Variants in CAMKMT observed in about 807,000 individuals in gnomAD.
The protein encoded by CAMKMT is CaM KMT.
Under a neutral mutation model 48.0 loss-of-function variants are expected in CAMKMT, and 53 were observed. The ratio of observed to expected loss-of-function variants is 1.10; its 90% CI spans 0.89 to 1.39. The LOEUF is 1.39. Ranked by LOEUF, CAMKMT falls within the 40% of genes most tolerant of loss-of-function variation. The pLI is 0.00. For missense variants in CAMKMT, 428 were observed against 402.7 expected (o/e 1.06, Z -0.54); for synonymous variants, 165 against 152.3 (o/e 1.08, Z -0.61).
chr2:44,387,544 A>G (rs972846914), intron 2 of CAMKMT, among the ~76,000 whole-genome samples: 3 of 151,936 alleles, frequency 2.0e-5, no homozygotes, highest in African/African-American at 7.2e-5. Flanking sequence ...GTACCCTTGC[A>G]TTAATTGTAC....
At chr2:44,453,561 G>A (rs977077771) in intron 3 of CAMKMT, among the ~76,000 whole-genome samples, 1 of 152,100 alleles carries the variant, frequency 6.6e-6, no homozygotes, top group Middle Eastern at 3.2e-3. Context: ...GCTTGGCAAT[G>A]AAATTCAGCT....
At chr2:44,673,572 G>C (rs555991116) in intron 3 of CAMKMT, among the ~76,000 whole-genome samples, 56 of 152,050 alleles carry the variant, frequency 3.7e-4, no homozygotes, top group Admixed American at 3.4e-3. Flanking sequence ...CATCCCTGAT[G>C]AGTGTGACCA....
At chr2:44,448,169 A>G (rs1335275255) in intron 3 of CAMKMT, among the ~76,000 whole-genome samples, 2 of 152,180 alleles carry the variant, frequency 1.3e-5, no homozygotes, top group African/African-American at 2.4e-5. Context: ...CACATCTGAA[A>G]GTTGACCCTG....
At chr2:44,702,204 T>C (rs1267946846) in intron 3 of CAMKMT, among the ~76,000 whole-genome samples, 1 of 152,094 alleles carries the variant, frequency 6.6e-6, no homozygotes, top group Admixed American at 6.6e-5. Context: ...GTGTAGAGCA[T>C]TGTCTTATGC....
intron 3 of CAMKMT, among the ~76,000 whole-genome samples, chr2:44,540,129 C>T (rs1224880075): frequency 1.4e-5 from 2 of 145,200 alleles, no homozygotes; most frequent in Non-Finnish European, 3.0e-5. Flanking sequence ...GGAGAGGCTT[C>T]CCATTTTCCC....
chr2:44,597,711 A>G (rs553214633), intron 3 of CAMKMT, among the ~76,000 whole-genome samples: 1 of 152,236 alleles, frequency 6.6e-6, no homozygotes, highest in African/African-American at 2.4e-5. Flanking sequence ...AGTAACATAT[A>G]TGCTTCCTTA....
At chr2:44,406,158 C>A (rs1298492670) in intron 3 of CAMKMT, among the ~76,000 whole-genome samples, 16 of 152,186 alleles carry the variant, frequency 1.1e-4, no homozygotes, top group South Asian at 4.1e-4. Flanking sequence ...ATTCATGTTT[C>A]ACCTGACAGT....
chr2:44,610,278 A>T (rs1182737743), intron 3 of CAMKMT, among the ~76,000 whole-genome samples: 1 of 152,216 alleles, frequency 6.6e-6, no homozygotes, highest in Non-Finnish European at 1.5e-5. Flanking sequence ...AAAGGCATAT[A>T]GGGTTAAAAG....
At chr2:44,390,679 G>T (rs1359985876) in intron 3 of CAMKMT, among the ~76,000 whole-genome samples, 1 of 152,038 alleles carries the variant, frequency 6.6e-6, no homozygotes, top group Non-Finnish European at 1.5e-5. Context: ...TCTTTGCTTT[G>T]TTTCGGGTGC....
At chr2:44,438,679 A>G (rs917365433) in intron 3 of CAMKMT, among the ~76,000 whole-genome samples, 1 of 152,036 alleles carries the variant, frequency 6.6e-6, no homozygotes, top group Non-Finnish European at 1.5e-5. Flanking sequence ...TGAACTACTC[A>G]GGTGTGTGTT....
Position 44,469,160 on chromosome 2 carries a change from G to A in CAMKMT, c.376+78855G>A, listed in dbSNP as rs910161618. Among the ~76,000 whole-genome samples, 4 of 152,196 alleles carry A rather than the reference G, an allele frequency of 2.6e-5. No individual in the cohort carries two copies. In the East Asian group the frequency reaches 7.7e-4, roughly 29 times the overall value. On this transcript the variant is annotated intron_variant, in intron 3 of 10. Coordinates refer to ENST00000378494, the MANE Select transcript of CAMKMT (RefSeq NM_024766.5). ...GTTAACAAAGAAATGATATATGTTT[G>A]AGGTAAGATATACTAATTACCCTGA... is the stretch of plus-strand genomic sequence containing the variant.
At chr2:44,750,998 G>A (rs972668725) in intron 8 of CAMKMT, among the ~76,000 whole-genome samples, 10 of 149,102 alleles carry the variant, frequency 6.7e-5, no homozygotes, top group African/African-American at 2.5e-4. Context: ...GGGCAACAGA[G>A]TGAGACTCGG....
chr2:44,532,109 C>G (rs779685387), intron 3 of CAMKMT, among the ~76,000 whole-genome samples: 175 of 152,210 alleles, frequency 1.1e-3, no homozygotes, highest in Non-Finnish European at 1.8e-3. Context: ...CGGCTACTTG[C>G]TGGTATAGTG....
At chr2:44,455,662 C>T (rs1352147855) in intron 3 of CAMKMT, among the ~76,000 whole-genome samples, 1 of 152,136 alleles carries the variant, frequency 6.6e-6, no homozygotes, top group African/African-American at 2.4e-5. Context: ...GTAACTTTGA[C>T]CAAGTTATTT....
intron 3 of CAMKMT, among the ~76,000 whole-genome samples, chr2:44,689,264 T>TTCTATTTATTTA (rs1553438291): frequency 2.2e-5 from 3 of 136,208 alleles, no homozygotes; most frequent in African/African-American, 2.8e-5. Flanking sequence ...CAGCACTATT[T>TTCTATTTATTTA]TTTATTTATT....
intron 7 of CAMKMT, among the ~76,000 whole-genome samples, chr2:44,731,823 G>A (rs1323483200): frequency 6.6e-6 from 1 of 152,170 alleles, no homozygotes; most frequent in Non-Finnish European, 1.5e-5. Context: ...ATGATACTCA[G>A]CATCTCTCAT....
intron 2 of CAMKMT, among the ~76,000 whole-genome samples, chr2:44,376,232 G>A (rs1427892734): frequency 6.6e-6 from 1 of 151,932 alleles, no homozygotes; most frequent in African/African-American, 2.4e-5. Context: ...CCAACATGCT[G>A]AAACCCTGTC....
chr2:44,699,470 G>A (rs1677142493), intron 3 of CAMKMT, among the ~76,000 whole-genome samples: 1 of 152,154 alleles, frequency 6.6e-6, no homozygotes, highest in Non-Finnish European at 1.5e-5. Context: ...TTTTTTCGGA[G>A]CAGTAGGTCT....
intron 3 of CAMKMT, among the ~76,000 whole-genome samples, chr2:44,473,777 C>T (rs985601869): frequency 2.6e-5 from 4 of 152,146 alleles, no homozygotes; most frequent in Non-Finnish European, 5.9e-5. Context: ...ACAGTTTATG[C>T]GGTGAGAATT....
Sources: gnomAD v4.1 joint callset for allele counts (sites outside exome capture counted in the v4.1 genomes callset) on GRCh38, gnomAD v4.1.1 for gene constraint, MANE v1.5 for transcripts, NCBI Gene and HGNC (gene_info 2026-07-23, HGNC 2026-07-21) for gene names.